The following NSMAF variants were observed in gnomAD, a reference collection of about 807,000 sequenced individuals.
NSMAF encodes neutral sphingomyelinase activation associated factor.
Under a neutral mutation model 134.9 loss-of-function variants are expected in NSMAF, and 90 were observed. That is an observed-to-expected ratio of 0.67 (90% CI 0.56 to 0.79). The LOEUF (loss-of-function observed/expected upper bound fraction) is 0.79. Among genes scored for constraint, NSMAF ranks in the 30% least tolerant of loss-of-function variants. The pLI is 0.00. For missense variants in NSMAF, 1,010 were observed against 1,119.0 expected (o/e 0.90, Z 1.39); for synonymous variants, 358 against 389.6 (o/e 0.92, Z 0.96).
intron 23 of NSMAF, chr8:58,591,152 T>C: frequency 2.7e-6 from 1 of 372,828 alleles, no homozygotes; most frequent in Non-Finnish European, 4.6e-6. Flanking sequence ...AAACATCAAT[T>C]TAAAAATCCA....
intron 5 of NSMAF, among the ~76,000 whole-genome samples, chr8:58,633,605 T>C (rs540377874): frequency 1.3e-5 from 2 of 152,338 alleles, no homozygotes; most frequent in South Asian, 4.1e-4. Context: ...TATCTTGTTC[T>C]TCCCTAGATT....
At chr8:58,634,004 C>T (rs1807116183) in intron 5 of NSMAF, among the ~76,000 whole-genome samples, 1 of 152,016 alleles carries the variant, frequency 6.6e-6, no homozygotes, top group African/African-American at 2.4e-5. Context: ...TAATGAAAAC[C>T]CTATCTTCAA....
intron 25 of NSMAF, 186 bp downstream of exon 25, chr8:58,589,821 G>A: frequency 1.7e-6 from 1 of 585,522 alleles, no homozygotes; most frequent in Non-Finnish European, 2.8e-6. Flanking sequence ...ACTCCAATTG[G>A]AGAAATTATT....
At chr8:58,608,349 A>C (rs1480227670) in intron 10 of NSMAF, among the ~76,000 whole-genome samples, 32 of 152,182 alleles carry the variant, frequency 2.1e-4, no homozygotes. Context: ...TTTCTTTGTT[A>C]ATGAAGAAGA....
chr8:58,643,023 C>G lies in NSMAF; in HGVS notation c.110G>C (p.Arg37Thr), dbSNP rs145605691. Residue 37 changes from arginine to threonine, a missense_variant, in exon 2 of 31, where the codon AGA becomes ACA. Arg to Thr is a moderately conservative substitution (Grantham distance 71). Transcript: ENST00000038176. ...NLEEYYFEQH[R>T]ANHILHKGSH... ...GCCCTTGTGCAAAATGTGATTGGCTCTATGCTGTTCAAAGTAGTACTCCTC... is the reference window on the plus strand; with the variant it reads ...GCCCTTGTGCAAAATGTGATTGGCTGTATGCTGTTCAAAGTAGTACTCCTC... 8.1e-6 allele frequency: 13 copies of G among 1,613,964 alleles called. No individual in the cohort carries two copies. The African/African-American group carries it at 1.5e-4, about 18-fold the overall frequency.
intron 18 of NSMAF, 47 bp from the exon 19 acceptor site, chr8:58,599,410 T>C (rs780984083): frequency 1.9e-6 from 3 of 1,597,482 alleles, no homozygotes; most frequent in Non-Finnish European, 8.5e-7. Context: ...TTCATTTTTT[T>C]CCTCCCATTT....
At chr8:58,640,807 C>A (rs921231051) in intron 2 of NSMAF, among the ~76,000 whole-genome samples, 2 of 152,114 alleles carry the variant, frequency 1.3e-5, no homozygotes, top group East Asian at 3.8e-4. Flanking sequence ...AGAGATCGTA[C>A]TGTACTGCCT....
chr8:58,623,493 A>T (rs569968130), intron 7 of NSMAF, 69 bp from the exon 8 acceptor site: 1 of 1,449,646 alleles, frequency 6.9e-7, no homozygotes, highest in South Asian at 1.2e-5. Context: ...CTTTAGAAGC[A>T]ATGAGAAACA....
Position 58,609,620 on chromosome 8 carries a change from G to A in NSMAF, c.671C>T (p.Pro224Leu), listed in dbSNP as rs758838247. 1.9e-6 allele frequency: 3 copies of A among 1,614,136 alleles called. No individual in the cohort carries two copies. Among genetic ancestry groups the A allele is most frequent in the Non-Finnish European group, 2.5e-6 (3 of 1,180,000 alleles). Residue 224 changes from proline (P) to leucine (L), a missense_variant, in exon 10 of 31, where the codon CCC becomes CTC. Transcript: ENST00000038176. ...TCTACACACCGGGTAGCCGTTGAGG[G>A]GCTGAAAATACAGGTTTGTGTCCGT... ...CITDTNLYFQ[P>L]LNGYPKPVVQ...
intron 20 of NSMAF, 137 bp downstream of exon 20, chr8:58,597,723 C>T: frequency 1.1e-6 from 1 of 892,712 alleles, no homozygotes; most frequent in Middle Eastern, 2.4e-4. Context: ...TTCTGATGCT[C>T]AGTAACACAA....
Position 58,623,769 on chromosome 8 carries a change from T to C in NSMAF, c.396A>G (p.Glu132=). 9 of 1,613,856 alleles carry C rather than the reference T, an allele frequency of 5.6e-6. No homozygotes were observed. Among genetic ancestry groups the C allele is most frequent in the Non-Finnish European group, 7.6e-6 (9 of 1,179,806 alleles). The change falls in exon 7 of 31, where the codon GAA becomes GAG. Residue 132 remains glutamate, a synonymous_variant. Coordinates refer to ENST00000038176, the MANE Select transcript of NSMAF (RefSeq NM_003580.4). The stretch of plus-strand genomic sequence containing the variant: ...CGGGAACATCCAATTCAAAAACATA[T>C]TCCATTTTGCCCTAACAAAAAGGGG... ...APYKIERGKM[E]YVFELDVPGK... is the part of the protein sequence containing the mutation.
intron 1 of NSMAF, among the ~76,000 whole-genome samples, chr8:58,653,006 G>A (rs1001067892): frequency 1.3e-5 from 2 of 152,122 alleles, no homozygotes; most frequent in African/African-American, 4.8e-5. Context: ...CATTAACCAG[G>A]CAATTAGTAA....
chr8:58,656,419 A>G (rs577766733), intron 1 of NSMAF, among the ~76,000 whole-genome samples: 1 of 152,380 alleles, frequency 6.6e-6, no homozygotes, highest in East Asian at 1.9e-4. Flanking sequence ...AAATGGCACC[A>G]CTTTATAGTT....
chr8:58,640,702 T>G (rs1229367060), intron 2 of NSMAF, among the ~76,000 whole-genome samples: 1 of 152,134 alleles, frequency 6.6e-6, no homozygotes, highest in Non-Finnish European at 1.5e-5. Flanking sequence ...TAAATTCATT[T>G]GTTTCTTGTC....
chr8:58,646,475 G>A (rs550556846), intron 1 of NSMAF, among the ~76,000 whole-genome samples: 1 of 152,036 alleles, frequency 6.6e-6, no homozygotes, highest in African/African-American at 2.4e-5. Context: ...AGTCATTTTG[G>A]TAAGTGAATT....
At chr8:58,594,834 C>T (rs762623175) in intron 22 of NSMAF, 33 of 155,496 alleles carry the variant, frequency 2.1e-4, no homozygotes, top group African/African-American at 5.0e-4. Flanking sequence ...TGTTTCTCTT[C>T]GGGAGGCTGG....
rs928128690 is a variant in NSMAF at position 58,588,530 on chromosome 8, T to C, written c.2212-829A>G. On this transcript the variant is annotated intron_variant, in intron 26 of 30. Transcript: ENST00000038176. Reference sequence around the variant, plus strand: ...CGATTCCTGACTACTTTGCTGTGAATTGCACAACTCACACAGTAATGTAGC... The same window carrying C: ...CGATTCCTGACTACTTTGCTGTGAACTGCACAACTCACACAGTAATGTAGC... 1.3e-5 allele frequency: 16 copies of C among 1,235,104 alleles called. No individual in the cohort carries two copies. The Admixed American group carries it at 2.2e-4, about 17-fold the overall frequency. 76.5% of individuals were successfully genotyped at this position (1,235,104 alleles called of 1,614,324 possible).
intron 9 of NSMAF, among the ~76,000 whole-genome samples, chr8:58,620,600 G>A (rs1437119172): frequency 2.6e-5 from 4 of 152,120 alleles, no homozygotes; most frequent in Admixed American, 2.6e-4. Context: ...AAGGTGTATG[G>A]CTGTAAAAGA....
intron 2 of NSMAF, among the ~76,000 whole-genome samples, chr8:58,639,518 G>A (rs1355518977): frequency 6.6e-6 from 1 of 152,178 alleles, no homozygotes; most frequent in Non-Finnish European, 1.5e-5. Flanking sequence ...ATATGAATTG[G>A]TTTAGCCATT....
Sources: gnomAD v4.1 joint callset for allele counts (sites outside exome capture counted in the v4.1 genomes callset) on GRCh38, gnomAD v4.1.1 for gene constraint, MANE v1.5 for transcripts, NCBI Gene and HGNC (gene_info 2026-07-23, HGNC 2026-07-21) for gene names.